Variants in TNFRSF13B observed in about 807,000 individuals in gnomAD.
TNFRSF13B encodes TNF receptor superfamily member 13B.
TNFRSF13B carries 34 observed loss-of-function variants against 24.0 expected under a neutral mutation model. The observed-to-expected ratio is 1.41, with a 90% CI of 1.08 to 1.88. The LOEUF is 1.88. Ranked by LOEUF, TNFRSF13B falls within the 40% of genes most tolerant of loss-of-function variation. The probability of loss-of-function intolerance (pLI) is 0.00; values close to 1 mark genes in which losing one functional copy is unlikely to be tolerated. For missense variants in TNFRSF13B, 415 were observed against 380.8 expected, an observed-to-expected ratio of 1.09 and a Z score of -0.75; for synonymous variants, 173 against 150.3, an observed-to-expected ratio of 1.15 and a Z score of -1.10.
intron 1 of TNFRSF13B, among the ~76,000 whole-genome samples, chr17:16,964,423 A>T (rs1178029896): frequency 7.1e-6 from 1 of 140,116 alleles, no homozygotes; most frequent in African/African-American, 2.7e-5. Context: ...GCTCACTGCA[A>T]CCTCTGCCTT....
chr17:16,948,717 G>A (rs2087566274), intron 3 of TNFRSF13B, 21 bp downstream of exon 3: 2 of 1,613,238 alleles, frequency 1.2e-6, no homozygotes, highest in East Asian at 2.2e-5. Flanking sequence ...ACACCATGCA[G>A]GTTTGCCTTG....
chr17:16,963,261 T>G (rs2087675553), intron 1 of TNFRSF13B, among the ~76,000 whole-genome samples: 1 of 152,222 alleles, frequency 6.6e-6, no homozygotes, highest in Non-Finnish European at 1.5e-5. Context: ...TATTGCCATT[T>G]CTTATGATAA....
At chr17:16,968,706 T>G (rs1452914501) in intron 1 of TNFRSF13B, among the ~76,000 whole-genome samples, 1 of 152,220 alleles carries the variant, frequency 6.6e-6, no homozygotes, top group East Asian at 1.9e-4. Context: ...AAATTGGACT[T>G]AATCAAATGA....
At chr17:16,967,477 G>A (rs1186020894) in intron 1 of TNFRSF13B, among the ~76,000 whole-genome samples, 2 of 151,994 alleles carry the variant, frequency 1.3e-5, no homozygotes, top group African/African-American at 2.4e-5. Context: ...AAACCAGGCC[G>A]GGCGCAGTGG....
intron 2 of TNFRSF13B, among the ~76,000 whole-genome samples, chr17:16,951,919 TAAATA>T (rs748181817): frequency 2.6e-4 from 39 of 151,586 alleles, no homozygotes; most frequent in Admixed American, 1.3e-4. Context: ...AAAAATAAAA[TAAATA>T]AAATAAAATA....
At chr17:16,968,622 T>G (rs1466282756) in intron 1 of TNFRSF13B, among the ~76,000 whole-genome samples, 1 of 152,118 alleles carries the variant, frequency 6.6e-6, no homozygotes. Context: ...GAAGAAAACA[T>G]AGAAGTAAAT....
At chr17:16,965,615 C>T (rs1002929269) in intron 1 of TNFRSF13B, among the ~76,000 whole-genome samples, 1 of 152,182 alleles carries the variant, frequency 6.6e-6, no homozygotes, top group African/African-American at 2.4e-5. Flanking sequence ...CAGCAGCTCC[C>T]TCCCTGCCTG....
At position 16,969,272 on chromosome 17, in the gene TNFRSF13B, A is replaced by G. The variant is rs1177356301; in HGVS notation, c.61+2743T>C. ...AAAAGTTCATAGAAGCTTTCTTAAT[A>G]ATCACAGTGACAAAAAAAGTAGAAA... On this transcript the variant is annotated intron_variant, in intron 1 of 4. Transcript: ENST00000261652. Among the ~76,000 whole-genome samples, 6 of 152,236 alleles carry G rather than the reference A, an allele frequency of 3.9e-5. 1 individual carries two copies. The highest frequency in any genetic ancestry group is 3.3e-4 in the Admixed American group (5 of 15,284).
At chr17:16,940,854 C>T (rs2087505137) in intron 3 of TNFRSF13B, 1 of 1,215,216 alleles carries the variant, frequency 8.2e-7, no homozygotes, top group Non-Finnish European at 1.0e-6. Flanking sequence ...GAGCATGTCT[C>T]TGTGCATCCT....
At chr17:16,948,188 G>T (rs539286750) in intron 3 of TNFRSF13B, among the ~76,000 whole-genome samples, 62 of 152,272 alleles carry the variant, frequency 4.1e-4, no homozygotes, top group Admixed American at 2.2e-3. Flanking sequence ...CCTACTAGAA[G>T]GGGGAGGCAG....
intron 3 of TNFRSF13B, chr17:16,940,713 C>G: frequency 6.9e-7 from 1 of 1,449,566 alleles, no homozygotes; most frequent in Non-Finnish European, 9.0e-7. Context: ...CTGGCAGCAA[C>G]TTTCTAAGGC....
intron 2 of TNFRSF13B, among the ~76,000 whole-genome samples, chr17:16,949,655 TTA>T (rs1348393210): frequency 4.7e-5 from 7 of 149,412 alleles, no homozygotes; most frequent in African/African-American, 1.5e-4. Context: ...GAACAATCAA[TTA>T]TCTTATCTAA....
chr17:16,963,829 C>T lies in TNFRSF13B; in HGVS notation c.61+8186G>A, dbSNP rs564822973. Among the ~76,000 whole-genome samples, 200 of 152,346 alleles carry T rather than the reference C, an allele frequency of 1.3e-3. 1 individual carries two copies. The highest frequency in any genetic ancestry group is 2.6e-3 in the Admixed American group (40 of 15,306). Reference sequence around the variant, plus strand: ...CCTCCCAAAGTGCTGGGATTACAGGCGTGAGCCACAGAGCCCGGCCTTTCT... The same window carrying T: ...CCTCCCAAAGTGCTGGGATTACAGGTGTGAGCCACAGAGCCCGGCCTTTCT... On this transcript the variant is annotated intron_variant, in intron 1 of 4. Coordinates refer to ENST00000261652, the MANE Select transcript of TNFRSF13B (RefSeq NM_012452.3).
chr17:16,952,071 A>G (rs1260831955), intron 2 of TNFRSF13B, among the ~76,000 whole-genome samples: 1 of 152,118 alleles, frequency 6.6e-6, no homozygotes, highest in East Asian at 1.9e-4. Flanking sequence ...AAAAAGTTTC[A>G]AAAGAATGTA....
intron 3 of TNFRSF13B, chr17:16,941,477 G>T: frequency 1.0e-6 from 1 of 987,630 alleles, no homozygotes; most frequent in Non-Finnish European, 1.2e-6. Context: ...TCCTCTAGGC[G>T]CTGGGTGGAA....
At chr17:16,958,439 T>A (rs1215956532) in intron 1 of TNFRSF13B, among the ~76,000 whole-genome samples, 2 of 151,940 alleles carry the variant, frequency 1.3e-5, no homozygotes, top group African/African-American at 2.4e-5. Context: ...AGATTGGATT[T>A]AAAAACCCAC....
Position 16,952,410 on chromosome 17 carries a change from T to C in TNFRSF13B, c.199+36A>G. ...CTCTAGGGAGAAAGGAGGAGGGTGATCACACTGTCCCCTCGGCTCAGGCCC... is the reference window on the plus strand; with the variant it reads ...CTCTAGGGAGAAAGGAGGAGGGTGACCACACTGTCCCCTCGGCTCAGGCCC... On this transcript the variant is annotated intron_variant, in intron 2 of 4. Transcript: ENST00000261652. 4 of 1,613,392 alleles carry C rather than the reference T, an allele frequency of 2.5e-6. No individual in the cohort carries two copies. The East Asian group carries it at 8.9e-5, about 36-fold the overall frequency.
chr17:16,950,484 G>T (rs1440277820), intron 2 of TNFRSF13B, among the ~76,000 whole-genome samples: 1 of 152,230 alleles, frequency 6.6e-6, no homozygotes, highest in East Asian at 1.9e-4. Context: ...GGAACTAAAA[G>T]ATCACGGAAT....
chr17:16,957,904 A>G (rs867278690), intron 1 of TNFRSF13B, among the ~76,000 whole-genome samples: 1 of 152,198 alleles, frequency 6.6e-6, no homozygotes, highest in Non-Finnish European at 1.5e-5. Context: ...CCTTGAAGAC[A>G]TAAGAAAAAG....
Sources: allele counts gnomAD v4.1 joint callset (sites outside exome capture counted in the v4.1 genomes callset), GRCh38; gene constraint gnomAD v4.1.1; transcripts MANE v1.5; gene names NCBI Gene and HGNC (gene_info 2026-07-23, HGNC 2026-07-21).